The following SLFN12L variants were observed in gnomAD, a reference collection of about 807,000 sequenced individuals.
SLFN12L encodes schlafen family member 12 like.
A neutral mutation model predicts 34.8 loss-of-function variants in SLFN12L; 34 were observed. The ratio of observed to expected loss-of-function variants is 0.98; its 90% CI spans 0.74 to 1.30. The LOEUF is 1.30. SLFN12L is among the 50% of genes most tolerant of loss of function. SLFN12L has a pLI of 0.00. For missense variants in SLFN12L, 703 were observed against 696.2 expected (o/e 1.01, Z -0.11); for synonymous variants, 259 against 247.5 (o/e 1.05, Z -0.44).
intron 2 of SLFN12L, chr17:35,490,683 C>G (rs891914745): frequency 4.4e-6 from 5 of 1,132,924 alleles, no homozygotes; most frequent in African/African-American, 1.5e-5. Context: ...AACTATTAAC[C>G]GAGGATTCAG....
At chr17:35,480,255 T>C (rs758147198) in intron 2 of SLFN12L, 60 bp from the exon 3 acceptor site, 31 of 1,315,450 alleles carry the variant, frequency 2.4e-5, no homozygotes, top group Admixed American at 2.9e-5. Context: ...TTCTGCATTA[T>C]GAGGCAAACG....
intron 1 of SLFN12L, among the ~76,000 whole-genome samples, chr17:35,530,066 A>C (rs1279081318): frequency 6.7e-6 from 1 of 149,736 alleles, no homozygotes; most frequent in East Asian, 2.0e-4. Flanking sequence ...CATAAACGTC[A>C]TCTGTCACGT....
chr17:35,477,909 C>T, intron 4 of SLFN12L, 166 bp downstream of exon 4: 3 of 514,746 alleles, frequency 5.8e-6, no homozygotes, highest in South Asian at 4.8e-5. Context: ...TACTTAGGCA[C>T]CTAAAGAAAT....
rs1339357153 is a variant in SLFN12L, at chr17:35,468,251, T to A, written c.*6672A>T. Among the ~76,000 whole-genome samples, 2 of 152,186 alleles carry A rather than the reference T, an allele frequency of 1.3e-5. No individual in the cohort carries two copies. The highest frequency in any genetic ancestry group is 4.8e-5 in the African/African-American group (2 of 41,428). The stretch of plus-strand genomic sequence containing the variant: ...TGGTATGGGTGCTTTTGTTGTTTTA[T>A]CATCTGGAGGCACCAACCCTCCATA... On this transcript the variant is annotated 3_prime_UTR_variant, in exon 5 of 5. Coordinates refer to ENST00000628453, the MANE Select transcript of SLFN12L (RefSeq NM_001363830.2).
chr17:35,474,938 A>G lies in SLFN12L; in HGVS notation c.1824T>C (p.Cys608=). 1 of 1,547,838 alleles carries G rather than the reference A, an allele frequency of 6.5e-7. No individual in the cohort carries two copies. The highest frequency in any genetic ancestry group is 8.7e-7 in the Non-Finnish European group (1 of 1,145,842). ...AGAGTGAGACTCATCTCAAGAAAAA[A>G]CAAACAAACCAACAAACAAACAAAC... ...RFCLFVCWFV[C]FFLR is the part of the protein sequence containing the mutation. Residue 608 remains cysteine (C), a synonymous_variant, in exon 5 of 5, where the codon TGT becomes TGC. Coordinates refer to ENST00000628453, the MANE Select transcript of SLFN12L (RefSeq NM_001363830.2).
intron 1 of SLFN12L, among the ~76,000 whole-genome samples, chr17:35,530,498 A>AGAGAG (rs2072395419): frequency 2.6e-5 from 1 of 38,746 alleles, no homozygotes; most frequent in African/African-American, 7.0e-5. Context: ...GAAAGAAAGA[A>AGAGAG]AGAAAGAAAG....
intron 1 of SLFN12L, among the ~76,000 whole-genome samples, chr17:35,536,203 G>A (rs976132621): frequency 2.6e-5 from 4 of 152,204 alleles, no homozygotes; most frequent in South Asian, 2.1e-4. Context: ...TCATTACTCT[G>A]GTAAGAATAA....
intron 2 of SLFN12L, among the ~76,000 whole-genome samples, chr17:35,508,174 G>T (rs1341255769): frequency 6.6e-6 from 1 of 152,178 alleles, no homozygotes; most frequent in Non-Finnish European, 1.5e-5. Flanking sequence ...TGTACCGCCT[G>T]CTTGCTCAAT....
intron 2 of SLFN12L, among the ~76,000 whole-genome samples, chr17:35,508,180 T>G (rs75394104): frequency 0.013 from 1,926 of 152,306 alleles, 47 homozygotes; most frequent in African/African-American, 0.044. Flanking sequence ...GCCTGCTTGC[T>G]CAATCAATCA....
At chr17:35,498,641 C>T (rs1915184118) in intron 2 of SLFN12L, 1 of 1,610,162 alleles carries the variant, frequency 6.2e-7, no homozygotes, top group Non-Finnish European at 8.5e-7. Context: ...AGCTACAGAC[C>T]ACTCAAACCA....
intron 2 of SLFN12L, among the ~76,000 whole-genome samples, chr17:35,510,505 G>T (rs897799279): frequency 4.6e-5 from 7 of 152,198 alleles, no homozygotes; most frequent in African/African-American, 1.7e-4. Context: ...AGTCATAAAA[G>T]GTCACACGCT....
At chr17:35,518,244 G>T (rs1244830995) in intron 2 of SLFN12L, among the ~76,000 whole-genome samples, 1 of 152,146 alleles carries the variant, frequency 6.6e-6, no homozygotes, top group African/African-American at 2.4e-5. Context: ...GATATGAACA[G>T]ACACTTCTCA....
chr17:35,486,085 T>G (rs1400605817), intron 2 of SLFN12L, among the ~76,000 whole-genome samples: 1 of 152,168 alleles, frequency 6.6e-6, no homozygotes, highest in Non-Finnish European at 1.5e-5. Context: ...CTGTAGATTG[T>G]TTTGGGGAGT....
intron 2 of SLFN12L, chr17:35,487,906 A>G: frequency 2.6e-6 from 2 of 764,116 alleles, no homozygotes; most frequent in Non-Finnish European, 4.5e-6. Context: ...GCCTTTGGAA[A>G]CGGTGTGTCT....
chr17:35,495,546 T>G (rs1484589244), intron 2 of SLFN12L, among the ~76,000 whole-genome samples: 1 of 152,042 alleles, frequency 6.6e-6, no homozygotes, highest in African/African-American at 2.4e-5. Flanking sequence ...GCCAAAACAA[T>G]CCCCCAGGGC....
At chr17:35,475,727 C>T (rs1913971162) in intron 4 of SLFN12L, among the ~76,000 whole-genome samples, 1 of 151,886 alleles carries the variant, frequency 6.6e-6, no homozygotes, top group Non-Finnish European at 1.5e-5. Context: ...TGTAAGACCT[C>T]TTCTCTACAA....
rs1473091959 is a variant in SLFN12L at position 35,467,138 on chromosome 17, C to T, written c.*7785G>A. Among the ~76,000 whole-genome samples, 1 of 152,162 alleles carries T rather than the reference C, an allele frequency of 6.6e-6. No individual in the cohort carries two copies. The highest frequency in any genetic ancestry group is 1.5e-5 in the Non-Finnish European group (1 of 68,016). ...AGTGCTGGAGGAGGTCACCTCTCCT[C>T]CAGACCCCTTGGTTACCTGGAAAGC... On this transcript the variant is annotated 3_prime_UTR_variant, in exon 5 of 5. Transcript: ENST00000628453.
In SLFN12L at chr17:35,479,251, A is replaced by G; in HGVS notation, c.1031T>C (p.Val344Ala). The G allele has an allele frequency of 1.9e-6, 3 of 1,593,484 alleles. No individual in the cohort carries two copies. Among genetic ancestry groups the G allele is most frequent in the East Asian group, 4.6e-5 (2 of 43,788 alleles). The change falls in exon 3 of 5, where the codon GTG becomes GCG. Residue 344 changes from valine (V) to alanine (A), a missense_variant. Coordinates refer to ENST00000628453, the MANE Select transcript of SLFN12L (RefSeq NM_001363830.2). ...GAAGCGTTCCACTCTGAGTGCATACACATATCCACAAAGCCTTCCTTTATC... is the reference window on the plus strand; with the variant it reads ...GAAGCGTTCCACTCTGAGTGCATACGCATATCCACAAAGCCTTCCTTTATC... ...VYDKGRLCGY[V>A]YALRVERFCC...
At chr17:35,530,504 GAAAGAAAGAAAAGAAAAGA>G (rs2072396251) in intron 1 of SLFN12L, among the ~76,000 whole-genome samples, 3 of 33,108 alleles carry the variant, frequency 9.1e-5, no homozygotes, top group South Asian at 1.6e-3. Flanking sequence ...AAGAAAGAAA[GAAAGAAAGAAAAGAAAAGA>G]AAAGAAAAGA....
Sources: gnomAD v4.1 joint callset for allele counts (sites outside exome capture counted in the v4.1 genomes callset) on GRCh38, gnomAD v4.1.1 for gene constraint, MANE v1.5 for transcripts, NCBI Gene and HGNC (gene_info 2026-07-23, HGNC 2026-07-21) for gene names.